UBQLN4: variants seen among roughly 807,000 people sequenced by gnomAD.
The protein encoded by UBQLN4 is ubiquilin 4.
In UBQLN4, 11 loss-of-function variants were observed where a neutral mutation model predicts 60.4. The observed-to-expected ratio is 0.18, with a 90% CI of 0.11 to 0.30. UBQLN4 has a LOEUF of 0.30. Among genes scored for constraint, UBQLN4 ranks in the 10% least tolerant of loss-of-function variants. The pLI is 1.00. For synonymous variants in UBQLN4, 258 were observed against 313.1 expected (o/e 0.82, Z 1.86); for missense variants, 417 against 795.5 (o/e 0.52, Z 5.72).
intron 2 of UBQLN4, 63 bp downstream of exon 2, chr1:156,051,643 G>A (rs761714356): frequency 8.7e-6 from 14 of 1,605,750 alleles, no homozygotes; most frequent in Admixed American, 1.7e-5. Flanking sequence ...TAAGCAATGA[G>A]TGAGAAAGTA....
chr1:156,040,539 G>A (rs1028149049), intron 10 of UBQLN4, among the ~76,000 whole-genome samples: 6 of 140,390 alleles, frequency 4.3e-5, no homozygotes, highest in Non-Finnish European at 7.5e-5. Flanking sequence ...TCCACCTCCC[G>A]AGTTCACCCC....
At position 156,048,466 on chromosome 1, in the gene UBQLN4, A is replaced by T; in HGVS notation, c.900+35T>A. 6.3e-7 allele frequency: 1 copy of T among 1,577,030 alleles called. No homozygotes were observed. ...TGGGGGTAGGGAATCTCGAGCCCAG[A>T]CAGCCCAACCCACTACCCTGGCCCT... is the stretch of plus-strand genomic sequence containing the variant. On this transcript the variant is annotated intron_variant, in intron 5 of 10. Transcript: ENST00000368309. The surrounding 1 kb of genome is among the most constrained non-coding windows in gnomAD (Gnocchi z 4.9).
intron 1 of UBQLN4, 72 bp from the exon 2 acceptor site, chr1:156,051,929 C>T: frequency 1.3e-6 from 2 of 1,586,066 alleles, no homozygotes; most frequent in Non-Finnish European, 1.7e-6. Flanking sequence ...GACTCTTTTT[C>T]AACACCTTCT....
At chr1:156,052,697 C>CAGGTCTTGACACCA (rs1683904681) in intron 1 of UBQLN4, among the ~76,000 whole-genome samples, 1 of 152,326 alleles carries the variant, frequency 6.6e-6, no homozygotes, top group East Asian at 1.9e-4. Context: ...GACCAGAACT[C>CAGGTCTTGACACCA]AGGTCTTGAC....
chr1:156,031,288 T>G (rs529627378), downstream of UBQLN4, among the ~76,000 whole-genome samples: 1 of 152,338 alleles, frequency 6.6e-6, no homozygotes, highest in South Asian at 2.1e-4. Context: ...TACCACATGG[T>G]ATTTTGTAAG....
intron 1 of UBQLN4, among the ~76,000 whole-genome samples, chr1:156,052,501 T>A (rs1219280055): frequency 6.6e-6 from 1 of 152,148 alleles, no homozygotes; most frequent in Non-Finnish European, 1.5e-5. Context: ...TAATTGTATT[T>A]TTAGTAGAGA....
In UBQLN4 at chr1:156,051,759, C is replaced by G. The variant is rs150592320; in HGVS notation, c.207G>C (p.Gln69His). Reference protein sequence around the residue: ...KILKDGDTLNQHGIKDGLTVH... With the variant: ...KILKDGDTLNHHGIKDGLTVH... ...CAGTGAGCCCGTCCTTGATTCCGTG[C>G]TGGTTCAGTGTGTCCCCATCCTTGA... The change falls in exon 2 of 11, where the codon CAG becomes CAC. Residue 69 changes from glutamine to histidine, a missense_variant. Gln to His is a conservative substitution (Grantham distance 24, BLOSUM62 0). Coordinates refer to ENST00000368309, the MANE Select transcript of UBQLN4 (RefSeq NM_020131.5). 1.9e-6 allele frequency: 3 copies of G among 1,614,040 alleles called. No homozygotes were observed. The highest frequency in any genetic ancestry group is 2.5e-6 in the Non-Finnish European group (3 of 1,180,028).
chr1:156,046,962 C>A (rs995929915), intron 5 of UBQLN4, among the ~76,000 whole-genome samples: 1 of 151,402 alleles, frequency 6.6e-6, no homozygotes, highest in East Asian at 1.9e-4. Context: ...AATGATAAAC[C>A]CCAACTTCAA....
At chr1:156,040,363 A>G (rs2102741808) in intron 10 of UBQLN4, among the ~76,000 whole-genome samples, 1 of 151,562 alleles carries the variant, frequency 6.6e-6, no homozygotes, top group East Asian at 1.9e-4. Context: ...CTGGGCAACA[A>G]GAGCAAAACT....
chr1:156,042,106 G>T (rs1428834055), intron 8 of UBQLN4, 47 bp downstream of exon 8: 1 of 1,608,586 alleles, frequency 6.2e-7, no homozygotes. Context: ...GGGCTTCAGG[G>T]ACTACCCCTT....
intron 5 of UBQLN4, among the ~76,000 whole-genome samples, chr1:156,046,358 C>T (rs1683699997): frequency 6.9e-6 from 1 of 144,970 alleles, no homozygotes; most frequent in African/African-American, 2.5e-5. Flanking sequence ...AATAGCTGGG[C>T]ATGGTGGCGG....
At chr1:156,031,269 T>C (rs946231645), downstream of UBQLN4, among the ~76,000 whole-genome samples, 2 of 152,214 alleles carry the variant, frequency 1.3e-5, no homozygotes, top group Non-Finnish European at 2.9e-5. Context: ...CTAACATTTA[T>C]TGAGTACTTA....
intron 5 of UBQLN4, among the ~76,000 whole-genome samples, chr1:156,044,512 A>G (rs1448594027): frequency 6.6e-6 from 1 of 152,074 alleles, no homozygotes; most frequent in Non-Finnish European, 1.5e-5. Flanking sequence ...ATCATCTCCT[A>G]TGTAACCCAC....
At chr1:156,053,198 T>A (rs112488755) in intron 1 of UBQLN4, among the ~76,000 whole-genome samples, 47 of 152,120 alleles carry the variant, frequency 3.1e-4, no homozygotes, top group Admixed American at 9.8e-4. Context: ...CAGAGAACAC[T>A]GGGCGTTCTC....
At chr1:156,034,531 C>T (rs1302024240), downstream of UBQLN4, among the ~76,000 whole-genome samples, 3 of 151,382 alleles carry the variant, frequency 2.0e-5, no homozygotes, top group Admixed American at 2.0e-4. Context: ...CTCCTGACCT[C>T]GTGATCCACC....
downstream of UBQLN4, chr1:156,033,136 G>A: frequency 2.3e-6 from 2 of 884,812 alleles, no homozygotes; most frequent in South Asian, 1.0e-4. Flanking sequence ...TTATGTAGCT[G>A]CTGCCACAGG....
Position 156,041,987 on chromosome 1 carries a change from T to A in UBQLN4, c.1351A>T (p.Met451Leu), listed in dbSNP as rs1028032490. 2 of 1,614,050 alleles carry A rather than the reference T, an allele frequency of 1.2e-6. No individual in the cohort carries two copies. The highest frequency in any genetic ancestry group is 1.7e-6 in the Non-Finnish European group (2 of 1,179,994). Reference sequence around the variant, plus strand: ...ATGGAGAGTGACTCTGGGTTCTGCATCTGGTGGGAAATAAGCAGAGAAAGG... The same window carrying A: ...ATGGAGAGTGACTCTGGGTTCTGCAACTGGTGGGAAATAAGCAGAGAAAGG... Reference protein sequence around the residue: ...RLQLPVFLQQMQNPESLSILT... With the variant: ...RLQLPVFLQQLQNPESLSILT... The change falls in exon 9 of 11, where the codon ATG (methionine) becomes TTG (leucine). Residue 451 changes from methionine to leucine, a missense_variant and splice_region_variant. Met to Leu is a conservative substitution (Grantham distance 15). Coordinates refer to ENST00000368309, the MANE Select transcript of UBQLN4 (RefSeq NM_020131.5).
rs935252220 is a variant in UBQLN4, at chr1:156,051,400, C to A, written c.261-73G>T. 4.0e-6 allele frequency: 6 copies of A among 1,510,254 alleles called. No individual in the cohort carries two copies. In the East Asian group the frequency reaches 7.3e-5, roughly 18 times the overall value. The allele number at this position is 1,510,254 out of a possible 1,614,324, so 93.6% of individuals were successfully genotyped here. On this transcript the variant is annotated intron_variant, in intron 2 of 10. Transcript: ENST00000368309. ...GGAAGGTACCGTGACAATCTCTGTG[C>A]TTGCTATGGGACAACTATTTTAACC...
chr1:156,048,381 A>G lies in UBQLN4; in HGVS notation c.900+120T>C. 2.4e-6 allele frequency: 3 copies of G among 1,254,546 alleles called. No individual in the cohort carries two copies. Among genetic ancestry groups the G allele is most frequent in the East Asian group, 2.6e-5 (1 of 39,176 alleles). The allele number at this position is 1,254,546 out of a possible 1,614,324, so 77.7% of individuals were successfully genotyped here. On this transcript the variant is annotated intron_variant, in intron 5 of 10. Coordinates refer to ENST00000368309, the MANE Select transcript of UBQLN4 (RefSeq NM_020131.5). This position sits in a 1 kb window ranked among gnomAD's most constrained non-coding sequence, Gnocchi z 4.9. ...TACTGTTGAGAACTGCCTTCAAGCC[A>G]AGGCCCACCCCTCAGGGGACTGGGG...
Sources: allele counts gnomAD v4.1 joint callset (sites outside exome capture counted in the v4.1 genomes callset), GRCh38; gene constraint gnomAD v4.1.1; non-coding constraint Gnocchi (gnomAD v3.1); transcripts MANE v1.5; gene names NCBI Gene and HGNC (gene_info 2026-07-23, HGNC 2026-07-21).